C5orf47: variants seen among roughly 807,000 people sequenced by gnomAD.
C5orf47 encodes uncharacterized protein C5orf47.
In C5orf47, 20 loss-of-function variants were observed where a neutral mutation model predicts 20.6. The observed-to-expected ratio is 0.97, with a 90% CI of 0.68 to 1.41. C5orf47 has a LOEUF of 1.41. Among genes scored for constraint, C5orf47 ranks in the 40% most tolerant of loss-of-function variants. The probability of loss-of-function intolerance (pLI) is 0.00; values close to 1 mark genes in which losing one functional copy is unlikely to be tolerated. For missense variants in C5orf47, 262 were observed against 238.4 expected (o/e 1.10, Z -0.65); for synonymous variants, 106 against 97.3 (o/e 1.09, Z -0.53).
At chr5:173,998,621 G>A (rs1337144926) in intron 2 of C5orf47, among the ~76,000 whole-genome samples, 1 of 152,168 alleles carries the variant, frequency 6.6e-6, no homozygotes, top group East Asian at 1.9e-4. Flanking sequence ...TCTTTTTAAA[G>A]ACAAGGAATA....
At chr5:173,999,582 C>A (rs1012123204) in intron 2 of C5orf47, 118 bp from the exon 3 acceptor site, 2 of 469,316 alleles carry the variant, frequency 4.3e-6, no homozygotes, top group Non-Finnish European at 7.8e-6. Flanking sequence ...GCTAATATAG[C>A]CTTATAATGA....
chr5:173,997,384 G>T (rs148876746), intron 1 of C5orf47, among the ~76,000 whole-genome samples: 1 of 152,228 alleles, frequency 6.6e-6, no homozygotes, highest in East Asian at 1.9e-4. Context: ...AAACCCTTGG[G>T]TTTTCTTCTA....
chr5:174,003,279 TAGG>T (rs757794597), intron 4 of C5orf47, among the ~76,000 whole-genome samples: 5 of 151,922 alleles, frequency 3.3e-5, no homozygotes, highest in Non-Finnish European at 5.9e-5. Flanking sequence ...GGAGGTGAAA[TAGG>T]AGGTGAAAAA....
intron 1 of C5orf47, among the ~76,000 whole-genome samples, chr5:173,997,857 A>G (rs1759126150): frequency 6.6e-6 from 1 of 152,216 alleles, no homozygotes; most frequent in Admixed American, 6.5e-5. Context: ...AAGATGTGTT[A>G]TCTGGTATTT....
rs1454830410 is a variant in C5orf47 at position 173,989,236 on chromosome 5, G to A, written c.-28G>A. On this transcript the variant is annotated 5_prime_UTR_variant, in exon 1 of 5. Coordinates refer to ENST00000340147, the MANE Select transcript of C5orf47 (RefSeq NM_001144954.2). ...CGCCTGTGGCGTCGTGTTTGCTGAGGGCCCGGCTGCCGTTGACTGAGGCTG... is the reference window on the plus strand; with the variant it reads ...CGCCTGTGGCGTCGTGTTTGCTGAGAGCCCGGCTGCCGTTGACTGAGGCTG... The A allele has an allele frequency of 1.0e-5, 14 of 1,372,316 alleles. No individual in the cohort carries two copies. The highest frequency in any genetic ancestry group is 3.8e-6 in the Non-Finnish European group (4 of 1,063,234). The allele number at this position is 1,372,316 out of a possible 1,614,324, so 85.0% of individuals were successfully genotyped here.
At chr5:173,993,057 T>C (rs1759026951) in intron 1 of C5orf47, among the ~76,000 whole-genome samples, 1 of 149,918 alleles carries the variant, frequency 6.7e-6, no homozygotes, top group Non-Finnish European at 1.5e-5. Context: ...TATTTATTTA[T>C]TTTTTTTACT....
At chr5:173,999,675 C>T in intron 2 of C5orf47, 25 bp from the exon 3 acceptor site, 2 of 1,171,082 alleles carry the variant, frequency 1.7e-6, no homozygotes, top group Non-Finnish European at 2.4e-6. Context: ...GCTCAGCATT[C>T]CTTTACTGTG....
In C5orf47 at chr5:173,989,291, C is replaced by G; in HGVS notation, c.28C>G (p.Gln10Glu). 7.2e-7 allele frequency: 1 copy of G among 1,394,466 alleles called. No homozygotes were observed. Among genetic ancestry groups the G allele is most frequent in the Non-Finnish European group, 9.3e-7 (1 of 1,069,708 alleles). The allele number at this position is 1,394,466 out of a possible 1,614,324, so 86.4% of individuals were successfully genotyped here. The change falls in exon 1 of 5, where the codon CAG becomes GAG. Residue 10 changes from glutamine to glutamate, a missense_variant. Transcript: ENST00000340147. ...GGCGGCGGCAGGCCGGGGTCGGGAG[C>G]AGGACTCGGCGCGCTTCGTCTATGT... MAAAGRGREQDSARFVYVTR... is the reference protein window; with the variant it reads MAAAGRGREEDSARFVYVTR...
chr5:174,008,322 GAC>G (rs1759323263), downstream of C5orf47, among the ~76,000 whole-genome samples: 2 of 152,312 alleles, frequency 1.3e-5, no homozygotes, highest in African/African-American at 2.4e-5. Context: ...CTTTGAATGA[GAC>G]ACAGTGCAGG....
In C5orf47 at chr5:173,995,688, G is replaced by A. The variant is rs1581194248; in HGVS notation, c.326-2465G>A. 2.0e-5 allele frequency among the ~76,000 whole-genome samples: 3 copies of A among 152,364 alleles called. No individual in the cohort carries two copies. In the East Asian group the frequency reaches 5.8e-4, roughly 29 times the overall value. On this transcript the variant is annotated intron_variant, in intron 1 of 4. Transcript: ENST00000340147. ...CTGGCACATTGAACAGAGATGACTT[G>A]AAGGGAAGATGGTGATTAGCATGTC...
chr5:174,008,725 C>T (rs1176542711), downstream of C5orf47, among the ~76,000 whole-genome samples: 4 of 147,466 alleles, frequency 2.7e-5, no homozygotes, highest in African/African-American at 1.0e-4. Context: ...CCCAGCTACT[C>T]GGGAGGCTGA....
At chr5:173,999,214 A>G (rs1759152997) in intron 2 of C5orf47, among the ~76,000 whole-genome samples, 1 of 152,188 alleles carries the variant, frequency 6.6e-6, no homozygotes, top group Non-Finnish European at 1.5e-5. Flanking sequence ...GTTTGATTCT[A>G]TAATCCTTGT....
rs1468001007 is a variant in C5orf47, at chr5:173,989,290, G to A, written c.27G>A (p.Glu9=). The part of the protein sequence containing the change: MAAAGRGR[E]QDSARFVYVT... ...TGGCGGCGGCAGGCCGGGGTCGGGA[G>A]CAGGACTCGGCGCGCTTCGTCTATG... The change falls in exon 1 of 5, where the codon GAG becomes GAA. Residue 9 remains glutamate (E), a synonymous_variant. Coordinates refer to ENST00000340147, the MANE Select transcript of C5orf47 (RefSeq NM_001144954.2). 8.6e-6 allele frequency: 12 copies of A among 1,395,226 alleles called. No homozygotes were observed. In the South Asian group the frequency reaches 2.0e-4, roughly 23 times the overall value. The allele number at this position is 1,395,226 out of a possible 1,614,324, so 86.4% of individuals were successfully genotyped here.
Position 173,998,186 on chromosome 5 carries a change from A to AT in C5orf47, c.363dup (p.Pro122SerfsTer6). On this transcript the variant is annotated frameshift_variant, in exon 2 of 5. Transcript: ENST00000340147. LOFTEE classifies it high-confidence loss of function. Reference sequence around the variant, plus strand: ...CAGAAGGATGCAGCTAAAAAGTATGATTTTCCCATACCATTGAATGAAGCT... The same window carrying AT: ...CAGAAGGATGCAGCTAAAAAGTATGATTTTTCCCATACCATTGAATGAAGCT... 1 of 1,543,662 alleles carries AT rather than the reference A, an allele frequency of 6.5e-7. No individual in the cohort carries two copies. Among genetic ancestry groups the AT allele is most frequent in the Non-Finnish European group, 8.8e-7 (1 of 1,142,680 alleles).
At chr5:173,998,493 T>C (rs1250873838) in intron 2 of C5orf47, among the ~76,000 whole-genome samples, 2 of 152,208 alleles carry the variant, frequency 1.3e-5, no homozygotes, top group Non-Finnish European at 2.9e-5. Flanking sequence ...GTAACCCCAC[T>C]GGAGGATTTT....
At chr5:173,990,248 GA>G (rs1419646118) in intron 1 of C5orf47, among the ~76,000 whole-genome samples, 2 of 139,710 alleles carry the variant, frequency 1.4e-5, no homozygotes, top group Non-Finnish European at 3.0e-5. Context: ...GAGTAGCTGG[GA>G]CCACAGGTGG....
chr5:173,999,811 C>T lies in C5orf47; in HGVS notation c.511+12C>T, dbSNP rs1759164181. Reference sequence around the variant, plus strand: ...GTTATCTAGTGAAAGTAAGTTAACACAATTTTTATTGTATTAAAAAGACTG... The same window carrying T: ...GTTATCTAGTGAAAGTAAGTTAACATAATTTTTATTGTATTAAAAAGACTG... On this transcript the variant is annotated intron_variant, in intron 3 of 4. Transcript: ENST00000340147. 2.1e-6 allele frequency: 3 copies of T among 1,398,236 alleles called. No individual in the cohort carries two copies. Among genetic ancestry groups the T allele is most frequent in the Non-Finnish European group, 2.9e-6 (3 of 1,017,822 alleles). The allele number at this position is 1,398,236 out of a possible 1,614,324, so 86.6% of individuals were successfully genotyped here.
chr5:173,989,652 C>T, intron 1 of C5orf47, 64 bp downstream of exon 1: 5 of 1,284,496 alleles, frequency 3.9e-6, no homozygotes, highest in Non-Finnish European at 5.0e-6. Flanking sequence ...GCGGGCTCAG[C>T]TGCTGGGCGC....
chr5:173,992,702 CTT>C (rs1561646578), intron 1 of C5orf47, among the ~76,000 whole-genome samples: 2 of 152,250 alleles, frequency 1.3e-5, no homozygotes, highest in East Asian at 1.9e-4. Context: ...ATTTTTAACT[CTT>C]TTCCATATAG....
Sources: allele counts gnomAD v4.1 joint callset (sites outside exome capture counted in the v4.1 genomes callset), GRCh38; gene constraint gnomAD v4.1.1; transcripts MANE v1.5; gene names NCBI Gene and HGNC (gene_info 2026-07-23, HGNC 2026-07-21).